NLGN1: variants seen among roughly 807,000 people sequenced by gnomAD.
NLGN1 encodes neuroligin-1.
A neutral mutation model predicts 65.5 loss-of-function variants in NLGN1; 12 were observed. That is an observed-to-expected ratio of 0.18 (90% CI 0.12 to 0.30). NLGN1 has a LOEUF of 0.30. NLGN1 is among the 10% of genes least tolerant of loss of function. The pLI, the probability that NLGN1 is intolerant of heterozygous loss-of-function variation, is 1.00. For synonymous variants in NLGN1, 350 were observed against 359.5 expected (o/e 0.97, Z 0.30); for missense variants, 750 against 1,007.1 (o/e 0.74, Z 3.46).
intron 2 of NLGN1, among the ~76,000 whole-genome samples, chr3:173,508,398 C>T (rs757124979): frequency 6.6e-6 from 1 of 151,966 alleles, no homozygotes; most frequent in Admixed American, 6.6e-5. Flanking sequence ...TTTTCTTTTC[C>T]ACTTGGTCTT....
chr3:174,257,128 A>G (rs1745933544), intron 4 of NLGN1, among the ~76,000 whole-genome samples: 1 of 152,180 alleles, frequency 6.6e-6, no homozygotes. Context: ...AAGAAGACAT[A>G]AATGCAGCCA....
At chr3:173,566,268 A>G (rs1743642874) in intron 2 of NLGN1, among the ~76,000 whole-genome samples, 1 of 152,214 alleles carries the variant, frequency 6.6e-6, no homozygotes, top group Non-Finnish European at 1.5e-5. Flanking sequence ...GATTGAAGCT[A>G]CAGACCTGAG....
intron 4 of NLGN1, among the ~76,000 whole-genome samples, chr3:174,246,839 T>C (rs1476771571): frequency 6.6e-6 from 1 of 152,212 alleles, no homozygotes; most frequent in Non-Finnish European, 1.5e-5. Context: ...AATCTGCTGA[T>C]GGTCACATTG....
intron 2 of NLGN1, among the ~76,000 whole-genome samples, chr3:173,484,487 G>C (rs892845289): frequency 1.3e-5 from 2 of 151,982 alleles, no homozygotes; most frequent in African/African-American, 4.8e-5. Context: ...TAAAGGGCCC[G>C]CAAGCAAAGC....
At chr3:174,154,969 TATATA>T (rs1263574878) in intron 4 of NLGN1, among the ~76,000 whole-genome samples, 16 of 137,740 alleles carry the variant, frequency 1.2e-4, no homozygotes, top group Non-Finnish European at 1.8e-4. Context: ...TATATAATTA[TATATA>T]ATATATTATA....
intron 4 of NLGN1, among the ~76,000 whole-genome samples, chr3:174,181,485 G>A (rs1224046338): frequency 1.3e-5 from 2 of 151,982 alleles, no homozygotes; most frequent in East Asian, 3.9e-4. Context: ...TCAATCCACA[G>A]GTTTTTCAGA....
rs183812313 is a variant in NLGN1 at position 173,522,915 on chromosome 3, C to T, written c.-320-81364C>T. On this transcript the variant is annotated intron_variant, in intron 2 of 6. Transcript: ENST00000457714. ...GAGTATAAGTGTTCTGTTTTCTCCT[C>T]ATCCATGCCAACATCTTTGTTGTTT... Among the ~76,000 whole-genome samples the T allele has an allele frequency of 3.9e-5, 6 of 152,212 alleles. No homozygotes were observed. In the South Asian group the frequency reaches 6.2e-4, roughly 16 times the overall value.
chr3:173,829,904 C>T (rs535936108), intron 4 of NLGN1, among the ~76,000 whole-genome samples: 1 of 151,788 alleles, frequency 6.6e-6, no homozygotes, highest in East Asian at 1.9e-4. Context: ...ATGTTTCCTT[C>T]TTACCTACAG....
intron 3 of NLGN1, among the ~76,000 whole-genome samples, chr3:173,634,152 T>A (rs10804852): frequency 0.38 from 57,210 of 151,844 alleles, 11,554 homozygotes; most frequent in African/African-American, 0.54. Context: ...GTTCTTTGTT[T>A]TGAAAGAAAA....
At chr3:174,066,988 T>C (rs1195022471) in intron 4 of NLGN1, among the ~76,000 whole-genome samples, 2 of 152,180 alleles carry the variant, frequency 1.3e-5, no homozygotes, top group African/African-American at 2.4e-5. Context: ...TTACTTGACA[T>C]ACTTAATTTC....
At chr3:174,051,353 G>T (rs1256552290) in intron 4 of NLGN1, among the ~76,000 whole-genome samples, 3 of 152,044 alleles carry the variant, frequency 2.0e-5, no homozygotes, top group Non-Finnish European at 4.4e-5. Context: ...ACGTCGGAAA[G>T]GTTGCCAAGT....
At chr3:173,893,837 C>G (rs970913638) in intron 4 of NLGN1, among the ~76,000 whole-genome samples, 2 of 152,128 alleles carry the variant, frequency 1.3e-5, no homozygotes, top group African/African-American at 4.8e-5. Flanking sequence ...TTGTAAATCC[C>G]AACCTCCTTT....
chr3:173,724,845 A>G (rs1771492911), intron 3 of NLGN1, among the ~76,000 whole-genome samples: 1 of 152,192 alleles, frequency 6.6e-6, no homozygotes, highest in South Asian at 2.1e-4. Context: ...ATGGAATACT[A>G]TGCAGCCATA....
intron 2 of NLGN1, among the ~76,000 whole-genome samples, chr3:173,600,140 A>G (rs996942115): frequency 6.6e-6 from 1 of 151,842 alleles, no homozygotes; most frequent in African/African-American, 2.4e-5. Flanking sequence ...CCTATAATCT[A>G]TGTGAGATTT....
intron 4 of NLGN1, among the ~76,000 whole-genome samples, chr3:174,116,757 G>A (rs1716574315): frequency 6.6e-6 from 1 of 152,078 alleles, no homozygotes; most frequent in Admixed American, 6.5e-5. Context: ...TGCGAATGTA[G>A]AATTTAAATA....
chr3:173,768,682 C>G (rs1333947754), intron 3 of NLGN1, among the ~76,000 whole-genome samples: 3 of 152,174 alleles, frequency 2.0e-5, no homozygotes, highest in African/African-American at 7.2e-5. Context: ...TCTTCAAACG[C>G]ATATAATAAC....
chr3:174,189,499 G>T (rs951209655), intron 4 of NLGN1, among the ~76,000 whole-genome samples: 1 of 151,820 alleles, frequency 6.6e-6, no homozygotes. Context: ...TTTCCCTAGC[G>T]CCATAACAGA....
intron 4 of NLGN1, among the ~76,000 whole-genome samples, chr3:173,863,250 A>T (rs899432352): frequency 6.6e-6 from 1 of 152,150 alleles, no homozygotes; most frequent in African/African-American, 2.4e-5. Flanking sequence ...TTTAACCAGA[A>T]CATTCTCATT....
intron 2 of NLGN1, among the ~76,000 whole-genome samples, chr3:173,480,011 T>C (rs928224562): frequency 1.3e-5 from 2 of 152,108 alleles, no homozygotes; most frequent in Non-Finnish European, 2.9e-5. Context: ...GGCCTGAATA[T>C]GTAAAGAGAT....
Sources: gnomAD v4.1 joint callset for allele counts (sites outside exome capture counted in the v4.1 genomes callset) on GRCh38, gnomAD v4.1.1 for gene constraint, MANE v1.5 for transcripts, NCBI Gene and HGNC (gene_info 2026-07-23, HGNC 2026-07-21) for gene names.